TMEM132B: variants seen among roughly 807,000 people sequenced by gnomAD.
TMEM132B encodes the protein transmembrane protein 132B.
A neutral mutation model predicts 90.8 loss-of-function variants in TMEM132B; 18 were observed. That is an observed-to-expected ratio of 0.20 (90% CI 0.14 to 0.29). The LOEUF (loss-of-function observed/expected upper bound fraction) is 0.29, where lower values mean the gene tolerates loss of function less well. TMEM132B is among the 10% of genes least tolerant of loss of function. The pLI is 1.00. For missense variants in TMEM132B, 1,096 were observed against 1,326.8 expected (o/e 0.83, Z 2.70); for synonymous variants, 504 against 523.3 (o/e 0.96, Z 0.50).
intron 4 of TMEM132B, among the ~76,000 whole-genome samples, chr12:125,570,926 A>T (rs1419621972): frequency 6.6e-6 from 1 of 152,202 alleles, no homozygotes; most frequent in Non-Finnish European, 1.5e-5. Flanking sequence ...AGGCTGGAAG[A>T]GCAGCTGGAG....
At chr12:125,515,429 T>TCA (rs1566059892) in intron 3 of TMEM132B, among the ~76,000 whole-genome samples, 1 of 118,324 alleles carries the variant, frequency 8.5e-6, no homozygotes, top group Non-Finnish European at 1.6e-5. Flanking sequence ...TCACACACTC[T>TCA]CACACATACA....
intron 4 of TMEM132B, among the ~76,000 whole-genome samples, chr12:125,528,458 T>C (rs888894325): frequency 1.3e-5 from 2 of 152,252 alleles, no homozygotes; most frequent in Non-Finnish European, 2.9e-5. Flanking sequence ...TTTAGTCGTA[T>C]TGGCCTGAAA....
intron 1 of TMEM132B, among the ~76,000 whole-genome samples, chr12:125,304,888 T>G (rs1284095912): frequency 6.6e-6 from 1 of 152,192 alleles, no homozygotes; most frequent in Non-Finnish European, 1.5e-5. Context: ...ACATTCGTAG[T>G]GCAGGTATTG....
At chr12:125,241,228 A>T (rs1199265243) in intron 1 of TMEM132B, among the ~76,000 whole-genome samples, 1 of 152,206 alleles carries the variant, frequency 6.6e-6, no homozygotes, top group African/African-American at 2.4e-5. Context: ...AAATACCAAG[A>T]TACAGTGGGG....
chr12:125,276,261 C>T (rs1486373521), intron 1 of TMEM132B, among the ~76,000 whole-genome samples: 1 of 152,202 alleles, frequency 6.6e-6, no homozygotes, highest in Non-Finnish European at 1.5e-5. Context: ...CTGTTCTGAC[C>T]TCGAAGCGGT....
rs1004218522 is a variant in TMEM132B, at chr12:125,654,859, G to A, written c.*149G>A. 1.5e-5 allele frequency: 14 copies of A among 951,162 alleles called. No individual in the cohort carries two copies. Among genetic ancestry groups the A allele is most frequent in the Non-Finnish European group, 2.1e-5 (14 of 656,440 alleles). The allele number at this position is 951,162 out of a possible 1,614,324, so 58.9% of individuals were successfully genotyped here. ...ATTTCTAAGCAGGTAAAAGAGGTTT[G>A]GAGAGCTATAGAAGCTGGGTTTTAA... is the stretch of plus-strand genomic sequence containing the variant. On this transcript the variant is annotated 3_prime_UTR_variant, in exon 9 of 9. Coordinates refer to ENST00000682704, the MANE Select transcript of TMEM132B (RefSeq NM_001366854.1). This position sits in a 1 kb window ranked among gnomAD's most constrained non-coding sequence, Gnocchi z 5.8.
intron 1 of TMEM132B, among the ~76,000 whole-genome samples, chr12:125,231,745 A>G (rs1354065450): frequency 6.6e-6 from 1 of 151,876 alleles, no homozygotes; most frequent in South Asian, 2.1e-4. Flanking sequence ...AATTGCTTAT[A>G]CATCTTTTTC....
At chr12:125,283,513 C>T (rs75776346) in intron 1 of TMEM132B, among the ~76,000 whole-genome samples, 4,186 of 152,196 alleles carry the variant, frequency 0.028, 209 homozygotes, top group African/African-American at 0.096. Context: ...GTGCTAAAAA[C>T]CAGGAAGATG....
At chr12:125,606,250 ACT>A (rs1885693263) in intron 5 of TMEM132B, among the ~76,000 whole-genome samples, 1 of 150,790 alleles carries the variant, frequency 6.6e-6, no homozygotes, top group Non-Finnish European at 1.5e-5. Context: ...AAAGGTGAAG[ACT>A]CTTTTTATTG....
chr12:125,520,206 C>T (rs1883273482), intron 4 of TMEM132B, among the ~76,000 whole-genome samples: 1 of 152,148 alleles, frequency 6.6e-6, no homozygotes, highest in Admixed American at 6.5e-5. Flanking sequence ...TAGTCAAGCT[C>T]AGGGGCTACA....
chr12:125,583,914 G>T lies in TMEM132B; in HGVS notation c.1357G>T (p.Val453Leu), dbSNP rs761009186. 6.2e-7 allele frequency: 1 copy of T among 1,614,142 alleles called. No individual in the cohort carries two copies. The highest frequency in any genetic ancestry group is 8.5e-7 in the Non-Finnish European group (1 of 1,180,018). The change falls in exon 5 of 9, where the codon GTG (valine) becomes TTG (leucine). Residue 453 changes from valine to leucine, a missense_variant. Coordinates refer to ENST00000682704, the MANE Select transcript of TMEM132B (RefSeq NM_001366854.1). ...GCCTGTTTCAGTTCCTGTCAAAGTC[G>T]TGGGGGTCCAGGAGGATGGTTCTGT... ...GKPVSVPVKV[V>L]GVQEDGSVVD...
chr12:125,509,311 G>A (rs958327758), intron 3 of TMEM132B, among the ~76,000 whole-genome samples: 10 of 152,142 alleles, frequency 6.6e-5, no homozygotes, highest in African/African-American at 2.4e-4. Context: ...GCTTCCTGGC[G>A]CTCTAGTTAT....
intron 5 of TMEM132B, among the ~76,000 whole-genome samples, chr12:125,599,276 T>G (rs547543893): frequency 6.6e-6 from 1 of 152,340 alleles, no homozygotes; most frequent in Non-Finnish European, 1.5e-5. Flanking sequence ...CCTTTGCTCC[T>G]TCTTCACCTT....
At chr12:125,533,502 G>A (rs1823521181) in intron 4 of TMEM132B, among the ~76,000 whole-genome samples, 1 of 152,228 alleles carries the variant, frequency 6.6e-6, no homozygotes, top group Non-Finnish European at 1.5e-5. Flanking sequence ...TTGCATAGCT[G>A]ATTGCAGAGC....
chr12:125,545,810 T>C (rs1884076649), intron 4 of TMEM132B, among the ~76,000 whole-genome samples: 1 of 152,146 alleles, frequency 6.6e-6, no homozygotes, highest in Admixed American at 6.5e-5. Flanking sequence ...CTGGATCCAG[T>C]CATACCCAAG....
At chr12:125,212,441 C>A (rs1270022254) in intron 1 of TMEM132B, among the ~76,000 whole-genome samples, 1 of 151,992 alleles carries the variant, frequency 6.6e-6, no homozygotes, top group African/African-American at 2.4e-5. Context: ...GCTTGTAATA[C>A]CAGCACTTTG....
At chr12:125,274,247 T>C (rs1389343144) in intron 1 of TMEM132B, among the ~76,000 whole-genome samples, 7 of 152,224 alleles carry the variant, frequency 4.6e-5, no homozygotes, top group Non-Finnish European at 1.0e-4. Context: ...AGCTGTATGC[T>C]CTTCCATTCT....
chr12:125,275,784 G>C (rs921626226), intron 1 of TMEM132B, among the ~76,000 whole-genome samples: 3 of 152,172 alleles, frequency 2.0e-5, no homozygotes, highest in Non-Finnish European at 4.4e-5. Context: ...TGTGATAACA[G>C]TTCACTGCAG....
chr12:125,594,690 G>C (rs1885396756), intron 5 of TMEM132B, among the ~76,000 whole-genome samples: 1 of 152,130 alleles, frequency 6.6e-6, no homozygotes, highest in Admixed American at 6.5e-5. Context: ...TGGTGAAGTT[G>C]CTGTTTAAAT....
Sources: allele counts gnomAD v4.1 joint callset (sites outside exome capture counted in the v4.1 genomes callset), GRCh38; gene constraint gnomAD v4.1.1; non-coding constraint Gnocchi (gnomAD v3.1); transcripts MANE v1.5; gene names NCBI Gene and HGNC (gene_info 2026-07-23, HGNC 2026-07-21).